The following UPP2 variants were observed in gnomAD, a reference collection of about 807,000 sequenced individuals.
UPP2 encodes the protein uridine phosphorylase 2.
UPP2 carries 23 observed loss-of-function variants against 26.7 expected under a neutral mutation model. That is an observed-to-expected ratio of 0.86 (90% CI 0.62 to 1.22). UPP2 has a LOEUF of 1.22. Ranked by LOEUF, UPP2 falls within the 50% of genes most tolerant of loss-of-function variation. The pLI is 0.00. For missense variants in UPP2, 387 were observed against 396.7 expected (o/e 0.98, Z 0.21); for synonymous variants, 127 against 141.3 (o/e 0.90, Z 0.72).
intron 3 of UPP2, among the ~76,000 whole-genome samples, chr2:158,087,493 G>A (rs1456995919): frequency 6.6e-6 from 1 of 152,132 alleles, no homozygotes; most frequent in South Asian, 2.1e-4. Context: ...TTCAATTTTA[G>A]TATTGAGATG....
chr2:158,133,385 A>C (rs1428449589), intron 6 of UPP2, among the ~76,000 whole-genome samples: 1 of 152,174 alleles, frequency 6.6e-6, no homozygotes, highest in Non-Finnish European at 1.5e-5. Flanking sequence ...TGGGGAACGG[A>C]GAGAAACTGG....
intron 4 of UPP2, among the ~76,000 whole-genome samples, chr2:158,119,535 T>C (rs1174757701): frequency 1.3e-5 from 2 of 152,056 alleles, no homozygotes; most frequent in South Asian, 4.1e-4. Flanking sequence ...AAGCATAAAC[T>C]ACTCAGTTAA....
intron 3 of UPP2, among the ~76,000 whole-genome samples, chr2:158,077,625 A>G: frequency 6.6e-6 from 1 of 152,178 alleles, no homozygotes; most frequent in Admixed American, 6.6e-5. Context: ...CTCACCATAT[A>G]TAAAAATCAA....
chr2:158,056,168 C>A (rs1682242267), intron 3 of UPP2, among the ~76,000 whole-genome samples: 1 of 152,108 alleles, frequency 6.6e-6, no homozygotes, highest in Non-Finnish European at 1.5e-5. Flanking sequence ...CTTATTTCAA[C>A]AATTGCTGAA....
Position 158,083,718 on chromosome 2 carries a change from A to T in UPP2, c.148-18322A>T, listed in dbSNP as rs111662050. Among the ~76,000 whole-genome samples, 1,162 of 151,498 alleles carry T rather than the reference A, an allele frequency of 7.7e-3. 11 individuals are homozygous for T. The highest frequency in any genetic ancestry group is 0.027 in the African/African-American group (1,104 of 41,220). ...TTAAAGTATAATTAAAAAAAAATAT[A>T]ATTGTCTCCAATTCCATCTAGGTTG... On this transcript the variant is annotated intron_variant, in intron 3 of 9. Transcript: ENST00000605860.
At chr2:158,098,207 G>A (rs1047403706), upstream of UPP2, among the ~76,000 whole-genome samples, 2 of 152,120 alleles carry the variant, frequency 1.3e-5, no homozygotes, top group African/African-American at 4.8e-5. Flanking sequence ...TAAGAGGGCA[G>A]GAGAAATGGT....
Position 158,120,978 on chromosome 2 carries a change from A to T in UPP2, c.455-431A>T, listed in dbSNP as rs1025704874. Among the ~76,000 whole-genome samples the T allele has an allele frequency of 2.4e-4, 37 of 152,088 alleles. 2 individuals are homozygous for T. Among genetic ancestry groups the T allele is most frequent in the Non-Finnish European group, 4.4e-5 (3 of 67,968 alleles). ...GAAGTCGGCGAGAGAACAAATGTGA[A>T]AAGAATCAGAAGAAAAAGAGGATAG... On this transcript the variant is annotated intron_variant, in intron 4 of 6. Transcript: ENST00000005756.
chr2:158,089,810 C>T (rs1042480105), intron 3 of UPP2, among the ~76,000 whole-genome samples: 1 of 152,156 alleles, frequency 6.6e-6, no homozygotes, highest in Admixed American at 6.5e-5. Flanking sequence ...TGTTTGGGGG[C>T]AGAATATCCC....
chr2:158,055,217 C>T (rs1574265834), intron 3 of UPP2, among the ~76,000 whole-genome samples: 2 of 152,288 alleles, frequency 1.3e-5, no homozygotes, highest in African/African-American at 4.8e-5. Flanking sequence ...CAGGGTATCA[C>T]ATGGTGAGGG....
At chr2:157,995,259 G>C in exon 2 of UPP2, 1 of 1,613,608 alleles carries the variant, frequency 6.2e-7, no homozygotes, top group East Asian at 2.2e-5. Context: ...AAGGCCTGAA[G>C]GTTAGTGAGG....
At chr2:158,078,945 C>T (rs1198532090) in intron 3 of UPP2, among the ~76,000 whole-genome samples, 3 of 152,028 alleles carry the variant, frequency 2.0e-5, no homozygotes, top group African/African-American at 4.8e-5. Flanking sequence ...GTAATAATCC[C>T]CACATGTCAA....
intron 5 of UPP2, among the ~76,000 whole-genome samples, chr2:158,122,945 A>C (rs10489993): frequency 5.0e-4 from 76 of 152,310 alleles, no homozygotes; most frequent in Middle Eastern, 6.8e-3. Flanking sequence ...AAGTAGCGTG[A>C]AAGAGATAGA....
chr2:158,068,765 AATATATATATATATATATATATAT>A (rs1170494924), intron 3 of UPP2, among the ~76,000 whole-genome samples: 17 of 31,700 alleles, frequency 5.4e-4, no homozygotes, highest in East Asian at 1.6e-3. Context: ...TTCAAATTCA[AATATATATATATATATATATATAT>A]ATATATATAT....
chr2:158,048,512 G>A (rs1036780047), intron 3 of UPP2, among the ~76,000 whole-genome samples: 1 of 152,240 alleles, frequency 6.6e-6, no homozygotes, highest in Non-Finnish European at 1.5e-5. Flanking sequence ...GCTAAGGTGG[G>A]AGGATTGTTC....
intron 3 of UPP2, among the ~76,000 whole-genome samples, chr2:158,090,517 C>A (rs984037672): frequency 6.6e-6 from 1 of 151,374 alleles, no homozygotes; most frequent in Non-Finnish European, 1.5e-5. Context: ...ACCCAAAAAA[C>A]CCAAAAAACA....
intron 2 of UPP2, among the ~76,000 whole-genome samples, chr2:158,014,340 G>C (rs1006514315): frequency 6.6e-6 from 1 of 152,146 alleles, no homozygotes; most frequent in Admixed American, 6.5e-5. Flanking sequence ...ACCCCAGCTC[G>C]CAAATACTCT....
At chr2:157,997,005 C>A (rs902570154) in intron 2 of UPP2, among the ~76,000 whole-genome samples, 6 of 152,138 alleles carry the variant, frequency 3.9e-5, no homozygotes, top group Admixed American at 1.3e-4. Context: ...CCAACTTGAC[C>A]TTTGACTTTT....
At chr2:158,010,766 T>TCTTC (rs1440931310) in intron 2 of UPP2, among the ~76,000 whole-genome samples, 1 of 23,786 alleles carries the variant, frequency 4.2e-5, no homozygotes, top group African/African-American at 7.5e-5. Context: ...TCTTTTTCTT[T>TCTTC]TTTTTTTTTT....
intron 3 of UPP2, among the ~76,000 whole-genome samples, chr2:158,025,693 C>T (rs1225418330): frequency 1.3e-5 from 2 of 152,220 alleles, no homozygotes. Flanking sequence ...GCAGAGAATG[C>T]TGGGGACAAG....
Sources: gnomAD v4.1 joint callset for allele counts (sites outside exome capture counted in the v4.1 genomes callset) on GRCh38, gnomAD v4.1.1 for gene constraint, MANE v1.5 for transcripts, NCBI Gene and HGNC (gene_info 2026-07-23, HGNC 2026-07-21) for gene names.